PDE4D: variants seen among roughly 807,000 people sequenced by gnomAD.
The protein encoded by PDE4D is phosphodiesterase 4D.
PDE4D carries 24 observed loss-of-function variants against 87.4 expected under a neutral mutation model. The ratio of observed to expected loss-of-function variants is 0.27; its 90% CI spans 0.20 to 0.39. The LOEUF (loss-of-function observed/expected upper bound fraction) is 0.39, where lower values mean the gene tolerates loss of function less well. PDE4D is among the 10% of genes least tolerant of loss of function. PDE4D has a pLI of 1.00. For missense variants in PDE4D, 714 were observed against 1,041.0 expected (o/e 0.69, Z 4.32); for synonymous variants, 384 against 383.2 (o/e 1.00, Z -0.02).
chr5:59,403,912 T>A (rs910616889), intron 1 of PDE4D, among the ~76,000 whole-genome samples: 1 of 152,198 alleles, frequency 6.6e-6, no homozygotes, highest in African/African-American at 2.4e-5. Flanking sequence ...TAATTTACAT[T>A]CCCACCAAAA....
chr5:59,687,247 G>A (rs146857869), intron 1 of PDE4D, among the ~76,000 whole-genome samples: 1,640 of 152,022 alleles, frequency 0.011, 25 homozygotes, highest in African/African-American at 0.038. Context: ...GATACTCCTC[G>A]AGAAGAGCAA....
chr5:60,201,082 T>TTTA (rs1741845683), intron 1 of PDE4D, among the ~76,000 whole-genome samples: 1 of 144,448 alleles, frequency 6.9e-6, no homozygotes, highest in Non-Finnish European at 1.6e-5. Context: ...GTTGCCAATG[T>TTTA]GTTTAAAGTG....
intron 1 of PDE4D, among the ~76,000 whole-genome samples, chr5:59,276,931 C>T (rs1055602193): frequency 2.0e-5 from 3 of 151,256 alleles, no homozygotes; most frequent in African/African-American, 4.9e-5. Flanking sequence ...AGTTGACCAG[C>T]CTGCCTATCT....
At chr5:60,086,451 C>T (rs772757432) in intron 2 of PDE4D, among the ~76,000 whole-genome samples, 10 of 152,162 alleles carry the variant, frequency 6.6e-5, no homozygotes, top group Non-Finnish European at 1.0e-4. Context: ...ACTAAACAAA[C>T]TCATAAGAAC....
At chr5:60,429,106 A>G (rs1743970467) in intron 1 of PDE4D, among the ~76,000 whole-genome samples, 2 of 152,198 alleles carry the variant, frequency 1.3e-5, no homozygotes, top group Admixed American at 6.5e-5. Context: ...TCTAGCTATA[A>G]GATTTCAGAG....
At chr5:59,801,912 A>G (rs911982173) in intron 1 of PDE4D, among the ~76,000 whole-genome samples, 2 of 152,202 alleles carry the variant, frequency 1.3e-5, no homozygotes, top group Non-Finnish European at 2.9e-5. Flanking sequence ...TAAGACTCCA[A>G]ATAAAGTTCA....
intron 2 of PDE4D, among the ~76,000 whole-genome samples, chr5:60,101,897 A>G (rs1776256231): frequency 6.6e-6 from 1 of 152,118 alleles, no homozygotes; most frequent in African/African-American, 2.4e-5. Context: ...ACTAACACTT[A>G]TTAGTATTCT....
At chr5:59,555,346 G>A (rs1818717376) in intron 1 of PDE4D, among the ~76,000 whole-genome samples, 1 of 152,040 alleles carries the variant, frequency 6.6e-6, no homozygotes, top group African/African-American at 2.4e-5. Flanking sequence ...CCTACCAGAG[G>A]GTGGAGGGTG....
chr5:59,768,624 A>T (rs1763108108), intron 1 of PDE4D: 2 of 1,533,602 alleles, frequency 1.3e-6, no homozygotes, highest in African/African-American at 1.4e-5. Flanking sequence ...TAGTGCATTC[A>T]GTCGCCTGCC....
At chr5:60,444,199 C>T (rs1215345210) in intron 1 of PDE4D, among the ~76,000 whole-genome samples, 1 of 152,124 alleles carries the variant, frequency 6.6e-6, no homozygotes, top group East Asian at 1.9e-4. Context: ...TATGGCTTCA[C>T]CCATTCTGTC....
intron 1 of PDE4D, among the ~76,000 whole-genome samples, chr5:59,736,628 G>A (rs1308506299): frequency 1.3e-5 from 2 of 151,660 alleles, no homozygotes; most frequent in East Asian, 1.9e-4. Flanking sequence ...GCAGTGAGCC[G>A]AGATCATGCC....
Position 59,759,783 on chromosome 5 carries a change from C to A in PDE4D, c.455+133385G>T, listed in dbSNP as rs185565829. ...CCTGGTGTGCTTCTCAGATGATTTC[C>A]CCCAGAAACTTGCTCCCCACCTTCT... On this transcript the variant is annotated intron_variant, in intron 1 of 14. Transcript: ENST00000340635. Among the ~76,000 whole-genome samples, 25 of 152,278 alleles carry A rather than the reference C, an allele frequency of 1.6e-4. No individual in the cohort carries two copies. The South Asian group carries it at 2.5e-3, about 15-fold the overall frequency.
At chr5:59,028,938 C>G (rs1441223991) in intron 6 of PDE4D, among the ~76,000 whole-genome samples, 1 of 151,966 alleles carries the variant, frequency 6.6e-6, no homozygotes, top group African/African-American at 2.4e-5. Context: ...AGAAAAAATA[C>G]AGAAAAAATA....
chr5:59,158,603 A>T (rs904443745), intron 5 of PDE4D, among the ~76,000 whole-genome samples: 1 of 152,238 alleles, frequency 6.6e-6, no homozygotes, highest in Non-Finnish European at 1.5e-5. Flanking sequence ...CTTCTTAGGG[A>T]AATATGACTA....
At chr5:59,250,325 C>CA (rs1312928536) in intron 1 of PDE4D, among the ~76,000 whole-genome samples, 2 of 139,314 alleles carry the variant, frequency 1.4e-5, no homozygotes, top group African/African-American at 2.7e-5. Flanking sequence ...AAAAAAAAAA[C>CA]AAAAAAAATT....
chr5:60,118,897 A>G (rs972193305), intron 2 of PDE4D, among the ~76,000 whole-genome samples: 1 of 152,080 alleles, frequency 6.6e-6, no homozygotes, highest in Non-Finnish European at 1.5e-5. Flanking sequence ...TGTTTCCCCA[A>G]GAGATTCTGA....
chr5:58,992,865 G>C (rs1361643709), intron 7 of PDE4D, among the ~76,000 whole-genome samples: 1 of 152,088 alleles, frequency 6.6e-6, no homozygotes, highest in Non-Finnish European at 1.5e-5. Flanking sequence ...TCTTTCTGTG[G>C]ATGAGGTACA....
chr5:59,933,265 A>G (rs1756175994), intron 3 of PDE4D, among the ~76,000 whole-genome samples: 1 of 152,226 alleles, frequency 6.6e-6, no homozygotes, highest in Non-Finnish European at 1.5e-5. Flanking sequence ...CTCTAAACTA[A>G]TGTGTCATTT....
chr5:59,749,860 A>T (rs543135072), intron 1 of PDE4D, among the ~76,000 whole-genome samples: 7 of 152,262 alleles, frequency 4.6e-5, no homozygotes, highest in Non-Finnish European at 2.9e-5. Context: ...GAAATCTAAG[A>T]GGCATCCCCA....
Sources: allele counts gnomAD v4.1 joint callset (sites outside exome capture counted in the v4.1 genomes callset), GRCh38; gene constraint gnomAD v4.1.1; transcripts MANE v1.5; gene names NCBI Gene and HGNC (gene_info 2026-07-23, HGNC 2026-07-21).